Variants in CELF4 observed in about 807,000 individuals in gnomAD.
CELF4 encodes the protein CUGBP Elav-like family member 4.
CELF4 carries 18 observed loss-of-function variants against 59.9 expected under a neutral mutation model. That is an observed-to-expected ratio of 0.30 (90% CI 0.21 to 0.45). The LOEUF is 0.45. Among genes scored for constraint, CELF4 ranks in the 20% least tolerant of loss-of-function variants. The pLI is 1.00. For missense variants in CELF4, 456 were observed against 689.0 expected (o/e 0.66, Z 3.79); for synonymous variants, 261 against 267.1 (o/e 0.98, Z 0.22).
Position 37,253,777 on chromosome 18 carries a change from C to A in CELF4, c.*34G>T, listed in dbSNP as rs749902425. ...GCCGCCCCCGGTTACCTGTGCGAGT[C>A]CTGGTCTCCCCCGGGGGACGCTCCC... On this transcript the variant is annotated 3_prime_UTR_variant, in exon 12 of 13. Transcript: ENST00000420428. The surrounding 1 kb of genome is among the most constrained non-coding windows in gnomAD (Gnocchi z 4.5). 1 of 1,580,394 alleles carries A rather than the reference C, an allele frequency of 6.3e-7. No individual in the cohort carries two copies. Among genetic ancestry groups the A allele is most frequent in the African/African-American group, 1.4e-5 (1 of 72,394 alleles).
At chr18:37,259,554 G>C (rs751203992) in intron 10 of CELF4, among the ~76,000 whole-genome samples, 1 of 152,152 alleles carries the variant, frequency 6.6e-6, no homozygotes, top group Non-Finnish European at 1.5e-5. Context: ...AAACCCTAGG[G>C]CTCCAGAGGC....
intron 2 of CELF4, among the ~76,000 whole-genome samples, chr18:37,441,319 G>A (rs924978618): frequency 3.3e-5 from 5 of 149,544 alleles, no homozygotes; most frequent in African/African-American, 7.5e-5. Flanking sequence ...GTACACACAC[G>A]GGGGAGATGG....
intron 3 of CELF4, among the ~76,000 whole-genome samples, chr18:37,312,763 C>G (rs935510710): frequency 6.6e-5 from 10 of 152,146 alleles, no homozygotes; most frequent in Non-Finnish European, 1.2e-4. Flanking sequence ...ACCCCCCAGG[C>G]CTAGGAGGTG....
chr18:37,289,258 C>T (rs2095123036), intron 3 of CELF4, among the ~76,000 whole-genome samples: 1 of 152,050 alleles, frequency 6.6e-6, no homozygotes, highest in African/African-American at 2.4e-5. Context: ...ATGGATGAGG[C>T]CACAGGATAC....
intron 2 of CELF4, among the ~76,000 whole-genome samples, chr18:37,386,876 T>C (rs1194652517): frequency 6.6e-6 from 1 of 152,196 alleles, no homozygotes; most frequent in Non-Finnish European, 1.5e-5. Flanking sequence ...TGAATTCTCT[T>C]AGCATTAAAA....
At chr18:37,434,500 T>C (rs1384912184) in intron 2 of CELF4, among the ~76,000 whole-genome samples, 1 of 152,160 alleles carries the variant, frequency 6.6e-6, no homozygotes, top group African/African-American at 2.4e-5. Context: ...GGCTGTGCCA[T>C]CATTTCCCCT....
Position 37,303,141 on chromosome 18 carries a change from C to A in CELF4, c.448+18662G>T, listed in dbSNP as rs76725380. On this transcript the variant is annotated intron_variant, in intron 3 of 12. Coordinates refer to ENST00000420428, the MANE Select transcript of CELF4 (RefSeq NM_020180.4). ...ACTTCCTTTGGCTCATTTGAACCCCCTGGGTGAAGGCTTGCTCTGGCTAGA... is the reference window on the plus strand; with the variant it reads ...ACTTCCTTTGGCTCATTTGAACCCCATGGGTGAAGGCTTGCTCTGGCTAGA... Among the ~76,000 whole-genome samples, 616 of 152,230 alleles carry A rather than the reference C, an allele frequency of 4.0e-3. 2 individuals carry two copies. The highest frequency in any genetic ancestry group is 6.1e-3 in the Admixed American group (94 of 15,302).
chr18:37,468,160 T>G (rs2099813270), intron 2 of CELF4, among the ~76,000 whole-genome samples: 1 of 152,222 alleles, frequency 6.6e-6, no homozygotes, highest in African/African-American at 2.4e-5. Context: ...ACTAAGTGAC[T>G]CGGGCTGTCA....
At chr18:37,467,866 G>A (rs908731600) in intron 2 of CELF4, among the ~76,000 whole-genome samples, 2 of 152,182 alleles carry the variant, frequency 1.3e-5, no homozygotes, top group Admixed American at 6.5e-5. Flanking sequence ...GCCCACATGT[G>A]GACATGTGTA....
chr18:37,343,486 C>A (rs945063263), intron 2 of CELF4, among the ~76,000 whole-genome samples: 1 of 151,876 alleles, frequency 6.6e-6, no homozygotes, highest in African/African-American at 2.4e-5. Context: ...AGATGGCAGC[C>A]GGGTGCAGTC....
At position 37,261,323 on chromosome 18, in the gene CELF4, TG is replaced by T. The variant is rs368265302; in HGVS notation, c.1250-2060del. Reference sequence around the variant, plus strand: ...GCCCATGCTGACACCTGCCTTGACTTGGGGCCCTGGCTCTGAGTTCAAGTTC... The same window carrying T: ...GCCCATGCTGACACCTGCCTTGACTTGGGCCCTGGCTCTGAGTTCAAGTTC... On this transcript the variant is annotated intron_variant, in intron 10 of 12. Coordinates refer to ENST00000420428, the MANE Select transcript of CELF4 (RefSeq NM_020180.4). Among the ~76,000 whole-genome samples, 224 of 151,802 alleles carry T rather than the reference TG, an allele frequency of 1.5e-3. 1 individual carries two copies. The highest frequency in any genetic ancestry group is 5.0e-3 in the African/African-American group (207 of 41,450).
chr18:37,526,811 T>G (rs1269375078), intron 1 of CELF4, among the ~76,000 whole-genome samples: 1 of 152,168 alleles, frequency 6.6e-6, no homozygotes, highest in Non-Finnish European at 1.5e-5. Context: ...GGGCCTAGTT[T>G]GAATCCCAAC....
intron 2 of CELF4, among the ~76,000 whole-genome samples, chr18:37,333,843 C>A (rs1023198775): frequency 2.6e-5 from 4 of 152,072 alleles, no homozygotes; most frequent in African/African-American, 7.2e-5. Context: ...GTTTACTGAG[C>A]ACCTCTGTGT....
chr18:37,419,535 TC>T (rs1169076397), intron 2 of CELF4, among the ~76,000 whole-genome samples: 1 of 152,084 alleles, frequency 6.6e-6, no homozygotes, highest in African/African-American at 2.4e-5. Context: ...ATGGTGGCAT[TC>T]CTGGAAGATG....
At chr18:37,281,187 C>A (rs978132840) in intron 3 of CELF4, among the ~76,000 whole-genome samples, 6 of 152,252 alleles carry the variant, frequency 3.9e-5, no homozygotes, top group African/African-American at 9.6e-5. Flanking sequence ...TGCTGCCCCA[C>A]CCTAGCCACG....
chr18:37,287,353 T>C (rs1408787971), intron 3 of CELF4, among the ~76,000 whole-genome samples: 1 of 152,182 alleles, frequency 6.6e-6, no homozygotes, highest in African/African-American at 2.4e-5. Context: ...CTGGGCCCTG[T>C]TGGTGCAGGG....
Position 37,442,321 on chromosome 18 carries a change from A to G in CELF4, c.369+43204T>C, listed in dbSNP as rs548932944. On this transcript the variant is annotated intron_variant, in intron 2 of 12. Coordinates refer to ENST00000420428, the MANE Select transcript of CELF4 (RefSeq NM_020180.4). ...AAAGAAATAAAGATGGAAGTTGAGA[A>G]TCCACACTCAATACGCACCAAACTC... Among the ~76,000 whole-genome samples the G allele has an allele frequency of 5.3e-5, 8 of 152,306 alleles. No individual in the cohort carries two copies. The East Asian group carries it at 1.2e-3, about 22-fold the overall frequency.
chr18:37,380,867 CATCT>C (rs1277307255), intron 2 of CELF4, among the ~76,000 whole-genome samples: 17 of 149,000 alleles, frequency 1.1e-4, no homozygotes, highest in South Asian at 8.7e-4. Context: ...TCCATCCATC[CATCT>C]ATCAATCAAT....
chr18:37,413,334 C>T (rs1222174702), intron 2 of CELF4, among the ~76,000 whole-genome samples: 4 of 151,976 alleles, frequency 2.6e-5, no homozygotes, highest in Non-Finnish European at 4.4e-5. Context: ...TCACCTATGT[C>T]GGTGAGCATC....
Sources: allele counts gnomAD v4.1 joint callset (sites outside exome capture counted in the v4.1 genomes callset), GRCh38; gene constraint gnomAD v4.1.1; non-coding constraint Gnocchi (gnomAD v3.1); transcripts MANE v1.5; gene names NCBI Gene and HGNC (gene_info 2026-07-23, HGNC 2026-07-21).